CEP170: variants seen among roughly 807,000 people sequenced by gnomAD.
The protein encoded by CEP170 is centrosomal protein 170, also known as centrosomal protein of 170 kDa.
Under a neutral mutation model 151.9 loss-of-function variants are expected in CEP170, and 21 were observed. The ratio of observed to expected loss-of-function variants is 0.14; its 90% CI spans 0.10 to 0.20. The LOEUF (loss-of-function observed/expected upper bound fraction) is 0.20. CEP170 is among the 10% of genes least tolerant of loss of function. CEP170 has a pLI of 1.00. For missense variants in CEP170, 964 were observed against 1,892.9 expected (o/e 0.51, Z 9.11); for synonymous variants, 356 against 648.8 (o/e 0.55, Z 6.86).
chr1:243,230,295 T>C (rs2063623271), intron 1 of CEP170, among the ~76,000 whole-genome samples: 1 of 151,756 alleles, frequency 6.6e-6, no homozygotes, highest in Non-Finnish European at 1.5e-5. Context: ...AGTGAAACAC[T>C]GCCTCAAAAC....
Position 243,214,513 on chromosome 1 carries a change from T to C in CEP170, c.196-2549A>G, listed in dbSNP as rs551224065. ...GTTAGCCAAGCTGGTCTTGAACTCC[T>C]GACCTTAGGTGATTCACCTGCCTCA... On this transcript the variant is annotated intron_variant, in intron 3 of 19. Coordinates refer to ENST00000366542, the MANE Select transcript of CEP170 (RefSeq NM_014812.3). 2.3e-3 allele frequency among the ~76,000 whole-genome samples: 347 copies of C among 151,940 alleles called. 3 individuals carry two copies. Among genetic ancestry groups the C allele is most frequent in the African/African-American group, 8.1e-3 (335 of 41,474 alleles).
At chr1:243,200,253 C>T (rs1278267544) in intron 6 of CEP170, among the ~76,000 whole-genome samples, 4 of 152,044 alleles carry the variant, frequency 2.6e-5, no homozygotes, top group Non-Finnish European at 4.4e-5. Context: ...GTCCTGAAAC[C>T]AGTCCCCCAC....
chr1:243,229,852 C>T (rs892177869), intron 1 of CEP170, among the ~76,000 whole-genome samples: 1 of 152,090 alleles, frequency 6.6e-6, no homozygotes, highest in East Asian at 1.9e-4. Flanking sequence ...ATATTGAAAG[C>T]AATCTTTATC....
At chr1:243,135,178 A>G (rs2054901285) in intron 17 of CEP170, among the ~76,000 whole-genome samples, 1 of 152,172 alleles carries the variant, frequency 6.6e-6, no homozygotes, top group South Asian at 2.1e-4. Context: ...TAAAGTGAAG[A>G]GAAAGTCTGG....
intron 4 of CEP170, among the ~76,000 whole-genome samples, chr1:243,203,791 T>C (rs1037766006): frequency 6.6e-6 from 1 of 152,096 alleles, no homozygotes; most frequent in African/African-American, 2.4e-5. Context: ...TTAACAACAA[T>C]TGATAATAAA....
chr1:243,164,206 AC>A (rs1204216711), intron 13 of CEP170, 77 bp downstream of exon 13: 28 of 1,230,708 alleles, frequency 2.3e-5, no homozygotes, highest in Non-Finnish European at 2.8e-5. Context: ...CTAGAACCTT[AC>A]TTTTTTTTTT....
intron 2 of CEP170, 128 bp from the exon 3 acceptor site, chr1:243,221,941 A>C: frequency 2.6e-6 from 2 of 757,638 alleles, no homozygotes; most frequent in South Asian, 4.8e-5. Context: ...GTGTGGATTA[A>C]ATGAGATTAA....
At chr1:243,132,713 G>A (rs182578285) in intron 17 of CEP170, among the ~76,000 whole-genome samples, 1 of 152,194 alleles carries the variant, frequency 6.6e-6, no homozygotes, top group East Asian at 1.9e-4. Context: ...ATTTTTCTTT[G>A]GGGGAGACTA....
chr1:243,154,486 C>G (rs2057382600), intron 14 of CEP170, among the ~76,000 whole-genome samples: 1 of 152,216 alleles, frequency 6.6e-6, no homozygotes. Context: ...TTCCACCACC[C>G]TCCTTTTTTC....
intron 4 of CEP170, among the ~76,000 whole-genome samples, chr1:243,205,316 A>G (rs1331292043): frequency 3.3e-5 from 5 of 152,192 alleles, no homozygotes; most frequent in Non-Finnish European, 7.4e-5. Context: ...AACCTCATGC[A>G]TGATTCATGA....
chr1:243,205,543 C>T (rs2061358084), intron 4 of CEP170, among the ~76,000 whole-genome samples: 1 of 152,176 alleles, frequency 6.6e-6, no homozygotes, highest in Non-Finnish European at 1.5e-5. Context: ...ACTGACCCCC[C>T]ACAGTAGAAC....
chr1:243,130,143 A>G (rs1342606566), intron 17 of CEP170, among the ~76,000 whole-genome samples: 4 of 152,140 alleles, frequency 2.6e-5, no homozygotes, highest in African/African-American at 9.7e-5. Flanking sequence ...AGAAAATGCA[A>G]TTTTATTCAG....
chr1:243,205,936 GAAGAAGAAAGAAGGAAGAAAAAAGA>G (rs935369702), intron 4 of CEP170, among the ~76,000 whole-genome samples: 3 of 147,200 alleles, frequency 2.0e-5, no homozygotes, highest in South Asian at 2.2e-4. Context: ...CAAAAAGAAA[GAAGAAGAAAGAAGGAAGAAAAAAGA>G]AAGAAGAAAG....
At position 243,164,805 on chromosome 1, in the gene CEP170, T is replaced by C. The variant is rs758995116; in HGVS notation, c.3155A>G (p.His1052Arg). 32 of 1,612,542 alleles carry C rather than the reference T, an allele frequency of 2.0e-5. No homozygotes were observed. In the South Asian group the frequency reaches 3.1e-4, roughly 16 times the overall value. The change falls in exon 13 of 20, where the codon CAT becomes CGT. Residue 1052 changes from histidine (H) to arginine (R), a missense_variant. Transcript: ENST00000366542. ...SDQETYSCKP[H>R]GRTPLTSADE... ...AGCTGAGGTAAGTGGAGTCCGTCCA[T>C]GAGGTTTACAAGAGTAAGTTTCTTG...
At chr1:243,147,371 C>T (rs2056624338) in intron 14 of CEP170, among the ~76,000 whole-genome samples, 1 of 152,214 alleles carries the variant, frequency 6.6e-6, no homozygotes, top group African/African-American at 2.4e-5. Flanking sequence ...TATTAGACAG[C>T]ACATAATTTT....
At chr1:243,147,396 CTTG>C (rs976089997) in intron 14 of CEP170, among the ~76,000 whole-genome samples, 8 of 152,174 alleles carry the variant, frequency 5.3e-5, no homozygotes, top group African/African-American at 1.9e-4. Context: ...CAGCCTTTGG[CTTG>C]TTGTGAAGCC....
intron 9 of CEP170, 80 bp downstream of exon 9, chr1:243,186,179 C>G (rs761416013): frequency 2.5e-6 from 4 of 1,613,394 alleles, no homozygotes; most frequent in East Asian, 2.2e-5. Context: ...GATTCCCGCA[C>G]TTTGAGTAAA....
chr1:243,186,003 C>A lies in CEP170; in HGVS notation c.1342G>T (p.Glu448Ter). 1 of 1,613,720 alleles carries A rather than the reference C, an allele frequency of 6.2e-7. No individual in the cohort carries two copies. The highest frequency in any genetic ancestry group is 8.5e-7 in the Non-Finnish European group (1 of 1,179,716). ...AGGAAGGGTATTGACACCGATGGCTCCTCTGATTTCTGTTTTAACAATTTC... is the reference window on the plus strand; with the variant it reads ...AGGAAGGGTATTGACACCGATGGCTACTCTGATTTCTGTTTTAACAATTTC... ...HGKLLKQKSEEPSVSIPFLQT... is the reference protein window; with the variant it reads ...HGKLLKQKSE Residue 448 changes from glutamate (E) to a stop codon, truncating the protein, a stop_gained, in exon 10 of 20, where the codon GAG becomes TAG. Transcript: ENST00000366542. LOFTEE classifies it high-confidence loss of function.
intron 17 of CEP170, among the ~76,000 whole-genome samples, chr1:243,130,569 T>C (rs1393861633): frequency 1.3e-5 from 2 of 152,206 alleles, no homozygotes; most frequent in East Asian, 3.8e-4. Context: ...CTAGCTACTT[T>C]TTTGGTTTCT....
Sources: gnomAD v4.1 joint callset for allele counts (sites outside exome capture counted in the v4.1 genomes callset) on GRCh38, gnomAD v4.1.1 for gene constraint, MANE v1.5 for transcripts, NCBI Gene and HGNC (gene_info 2026-07-23, HGNC 2026-07-21) for gene names.